Variants in HS3ST5 observed in about 807,000 individuals in gnomAD.
HS3ST5 encodes the protein heparan sulfate-glucosamine 3-sulfotransferase 5.
A neutral mutation model predicts 25.4 loss-of-function variants in HS3ST5; 10 were observed. The observed-to-expected ratio is 0.39, with a 90% CI of 0.24 to 0.67. The LOEUF (loss-of-function observed/expected upper bound fraction) is 0.67. HS3ST5 is among the 30% of genes least tolerant of loss of function. The pLI, the probability that HS3ST5 is intolerant of heterozygous loss-of-function variation, is 0.44. For missense variants in HS3ST5, 324 were observed against 420.7 expected, an observed-to-expected ratio of 0.77 and a Z score of 2.01; for synonymous variants, 170 against 162.4, an observed-to-expected ratio of 1.05 and a Z score of -0.36.
intron 3 of HS3ST5, among the ~76,000 whole-genome samples, chr6:114,084,992 T>A (rs1774720219): frequency 1.3e-5 from 2 of 151,814 alleles, no homozygotes; most frequent in Admixed American, 1.3e-4. Flanking sequence ...CCACCACCCC[T>A]GGCTAATTTT....
chr6:114,085,900 T>C (rs541394028), intron 3 of HS3ST5, among the ~76,000 whole-genome samples: 132 of 152,056 alleles, frequency 8.7e-4, no homozygotes, highest in African/African-American at 3.1e-3. Flanking sequence ...GCTTTTATTT[T>C]ATTCATTTTC....
At chr6:114,268,119 T>C (rs1773486553) in intron 1 of HS3ST5, among the ~76,000 whole-genome samples, 1 of 152,158 alleles carries the variant, frequency 6.6e-6, no homozygotes, top group Non-Finnish European at 1.5e-5. Context: ...TCACTGGCCT[T>C]GTGGCTTTGT....
chr6:114,203,885 T>C (rs554119417), intron 2 of HS3ST5, among the ~76,000 whole-genome samples: 2 of 152,326 alleles, frequency 1.3e-5, no homozygotes, highest in South Asian at 4.1e-4. Flanking sequence ...CTTAGTGTGA[T>C]TGGATTTTCT....
chr6:114,075,650 G>C (rs1774081743), intron 3 of HS3ST5, among the ~76,000 whole-genome samples: 2 of 152,122 alleles, frequency 1.3e-5, no homozygotes, highest in Admixed American at 6.5e-5. Context: ...GCCTGATTCT[G>C]CAGCCAGACT....
chr6:114,087,459 A>AT, intron 3 of HS3ST5, among the ~76,000 whole-genome samples: 1 of 152,228 alleles, frequency 6.6e-6, no homozygotes. Flanking sequence ...CTGTTGTGTA[A>AT]TTGCCATGAC....
intron 1 of HS3ST5, among the ~76,000 whole-genome samples, chr6:114,237,576 G>A (rs915132244): frequency 6.6e-6 from 1 of 152,100 alleles, no homozygotes; most frequent in Non-Finnish European, 1.5e-5. Flanking sequence ...CACTGGTCTG[G>A]GGTGGAGAAA....
At chr6:114,329,020 T>G (rs1245041438) in intron 1 of HS3ST5, among the ~76,000 whole-genome samples, 1 of 152,230 alleles carries the variant, frequency 6.6e-6, no homozygotes, top group Non-Finnish European at 1.5e-5. Flanking sequence ...TGCCAAGTAC[T>G]AAGACTGTCG....
intron 3 of HS3ST5, among the ~76,000 whole-genome samples, chr6:114,100,665 C>T (rs558234468): frequency 3.9e-5 from 6 of 152,282 alleles, no homozygotes; most frequent in South Asian, 2.1e-4. Context: ...ATTAATCACA[C>T]GACATTTTCT....
chr6:114,247,273 A>T (rs919799479), intron 1 of HS3ST5, among the ~76,000 whole-genome samples: 2 of 152,208 alleles, frequency 1.3e-5, no homozygotes, highest in African/African-American at 4.8e-5. Flanking sequence ...GTAATTGTGT[A>T]GAGGTGTCAA....
intron 1 of HS3ST5, among the ~76,000 whole-genome samples, chr6:114,266,526 T>C (rs1313509831): frequency 6.6e-6 from 1 of 152,210 alleles, no homozygotes; most frequent in African/African-American, 2.4e-5. Flanking sequence ...AAACAATTGC[T>C]GATTGTCACT....
intron 3 of HS3ST5, among the ~76,000 whole-genome samples, chr6:114,151,221 C>T (rs568115491): frequency 1.6e-4 from 24 of 152,228 alleles, no homozygotes; most frequent in South Asian, 6.2e-4. Context: ...AATAGCTATC[C>T]GACACCACGT....
chr6:114,173,501 C>A (rs1779571528), intron 2 of HS3ST5, among the ~76,000 whole-genome samples: 1 of 152,090 alleles, frequency 6.6e-6, no homozygotes, highest in African/African-American at 2.4e-5. Context: ...AATGAACTCG[C>A]CAAGGAATCT....
chr6:114,211,884 G>GGAA (rs1203030851), intron 2 of HS3ST5, among the ~76,000 whole-genome samples: 3 of 152,286 alleles, frequency 2.0e-5, no homozygotes, highest in Middle Eastern at 3.4e-3. Flanking sequence ...ATAATGAATG[G>GGAA]GAAAAATATC....
chr6:114,057,440 G>A lies in HS3ST5; in HGVS notation c.858C>T (p.Phe286=), dbSNP rs1178461038. The stretch of plus-strand genomic sequence containing the variant: ...AGCAGTAAAACCCTCTGGTAGCATT[G>A]AAGTATAAATTGTATTGACTTATCC... ...PPRISQYNLY[F]NATRGFYCLR... The change falls in exon 5 of 5, where the codon TTC becomes TTT. Residue 286 remains phenylalanine, a synonymous_variant. Transcript: ENST00000312719. The A allele has an allele frequency of 1.2e-6, 2 of 1,614,054 alleles. No homozygotes were observed. Among genetic ancestry groups the A allele is most frequent in the African/African-American group, 2.7e-5 (2 of 74,926 alleles).
chr6:114,328,402 A>G (rs1776259019), intron 1 of HS3ST5, among the ~76,000 whole-genome samples: 1 of 152,172 alleles, frequency 6.6e-6, no homozygotes, highest in South Asian at 2.1e-4. Context: ...AGACTCACAA[A>G]CACAAAAACA....
chr6:114,337,767 CTATT>C (rs1434475880), intron 1 of HS3ST5, among the ~76,000 whole-genome samples: 3 of 151,960 alleles, frequency 2.0e-5, no homozygotes, highest in African/African-American at 7.3e-5. Flanking sequence ...ACTGGGCCCT[CTATT>C]TAAGTAAACT....
intron 3 of HS3ST5, chr6:114,142,932 G>A (rs2114938461): frequency 6.6e-6 from 1 of 152,312 alleles, no homozygotes; most frequent in South Asian, 2.1e-4. Flanking sequence ...CACATTAACG[G>A]GGAAAAATGT....
At chr6:114,237,733 C>T (rs1368867106) in intron 1 of HS3ST5, among the ~76,000 whole-genome samples, 6 of 152,188 alleles carry the variant, frequency 3.9e-5, no homozygotes, top group Non-Finnish European at 8.8e-5. Context: ...CACACAGAAA[C>T]AGGCAAAGTT....
In HS3ST5 at chr6:114,057,148, C is replaced by T; in HGVS notation, c.*109G>A. ...CACACACTGCGTATGTACAAATATA[C>T]ATGGAAAAATGACTTGGATAGCTCT... On this transcript the variant is annotated 3_prime_UTR_variant, in exon 5 of 5. Transcript: ENST00000312719. 1.3e-6 allele frequency: 1 copy of T among 776,376 alleles called. No individual in the cohort carries two copies. The highest frequency in any genetic ancestry group is 2.1e-6 in the Non-Finnish European group (1 of 471,470). 48.1% of individuals were successfully genotyped at this position (776,376 alleles called of 1,614,324 possible). A position where few individuals can be genotyped will look rare whatever the true frequency, so the allele number is the denominator to read the frequency against.
Sources: gnomAD v4.1 joint callset for allele counts (sites outside exome capture counted in the v4.1 genomes callset) on GRCh38, gnomAD v4.1.1 for gene constraint, MANE v1.5 for transcripts, NCBI Gene and HGNC (gene_info 2026-07-23, HGNC 2026-07-21) for gene names.